The following FRMD4A variants were observed in gnomAD, a reference collection of about 807,000 sequenced individuals.
FRMD4A encodes FERM domain-containing protein 4A.
FRMD4A carries 29 observed loss-of-function variants against 129.1 expected under a neutral mutation model. The ratio of observed to expected loss-of-function variants is 0.22; its 90% CI spans 0.17 to 0.31. The LOEUF (loss-of-function observed/expected upper bound fraction) is 0.31, where lower values mean the gene tolerates loss of function less well. FRMD4A is among the 10% of genes least tolerant of loss of function. The pLI is 1.00. For missense variants in FRMD4A, 1,272 were observed against 1,375.8 expected (o/e 0.92, Z 1.19); for synonymous variants, 634 against 571.6 (o/e 1.11, Z -1.56).
chr10:13,826,725 AC>A (rs139432960), intron 3 of FRMD4A, among the ~76,000 whole-genome samples: 1 of 152,122 alleles, frequency 6.6e-6, no homozygotes. Flanking sequence ...TTAAAAAGAC[AC>A]CCTTACTGGG....
chr10:13,857,196 A>C (rs1354922017), intron 3 of FRMD4A, among the ~76,000 whole-genome samples: 1 of 152,168 alleles, frequency 6.6e-6, no homozygotes, highest in East Asian at 1.9e-4. Flanking sequence ...ATAGTGGTAA[A>C]ATTTTTTTTT....
chr10:14,146,536 A>G lies in FRMD4A; in HGVS notation c.45+183522T>C, dbSNP rs1376684854. ...CCCATCCTGGCTATTATCGATAACCAACACGTGAAGGGAAAACTGATGCCT... is the reference window on the plus strand; with the variant it reads ...CCCATCCTGGCTATTATCGATAACCGACACGTGAAGGGAAAACTGATGCCT... On this transcript the variant is annotated intron_variant, in intron 2 of 24. Coordinates refer to ENST00000357447, the MANE Select transcript of FRMD4A (RefSeq NM_018027.5). 2.0e-5 allele frequency among the ~76,000 whole-genome samples: 3 copies of G among 152,332 alleles called. No individual in the cohort carries two copies. In the East Asian group the frequency reaches 5.8e-4, roughly 29 times the overall value.
Position 13,656,965 on chromosome 10 carries a change from G to A in FRMD4A, c.2624C>T (p.Ala875Val), listed in dbSNP as rs146301035. Residue 875 changes from alanine to valine, a missense_variant, in exon 22 of 25, where the codon GCG (alanine) becomes GTG (valine). Ala to Val is a moderately conservative substitution (Grantham distance 64). Around this residue, in one of 2 missense-constraint regions of FRMD4A, gnomAD observed 972 missense variants for 892.3 expected, o/e 1.09. Transcript: ENST00000357447. ...AQFKTSNSYT[A>V]GGLFKESWRG... is the part of the protein sequence containing the mutation. ...CCAGCTCTCCTTGAACAGGCCGCCC[G>A]CCGTGTAGGAGTTGGACGTCTTGAA... 261 of 1,540,814 alleles carry A rather than the reference G, an allele frequency of 1.7e-4. No individual in the cohort carries two copies. The highest frequency in any genetic ancestry group is 2.2e-4 in the Non-Finnish European group (248 of 1,151,084).
chr10:13,795,546 G>A (rs1372567524), intron 5 of FRMD4A, among the ~76,000 whole-genome samples: 1 of 152,202 alleles, frequency 6.6e-6, no homozygotes, highest in Non-Finnish European at 1.5e-5. Context: ...TGACAGAATT[G>A]CATATCATTT....
chr10:14,028,880 T>C (rs1833102842), intron 2 of FRMD4A, among the ~76,000 whole-genome samples: 1 of 152,198 alleles, frequency 6.6e-6, no homozygotes, highest in Admixed American at 6.5e-5. Flanking sequence ...AAGGTCTCAA[T>C]GCTGACAGCA....
chr10:14,133,044 T>C (rs1044500422), intron 2 of FRMD4A, among the ~76,000 whole-genome samples: 1 of 152,160 alleles, frequency 6.6e-6, no homozygotes, highest in Non-Finnish European at 1.5e-5. Context: ...ATCAGTGAAG[T>C]AAGAGTAAGT....
At chr10:13,700,128 G>C (rs1483281587) in intron 14 of FRMD4A, among the ~76,000 whole-genome samples, 1 of 150,650 alleles carries the variant, frequency 6.6e-6, no homozygotes, top group African/African-American at 2.4e-5. Flanking sequence ...TTTTCTTTTA[G>C]TAGAGATGGG....
At chr10:13,883,082 G>A (rs2094565966) in intron 2 of FRMD4A, among the ~76,000 whole-genome samples, 1 of 152,110 alleles carries the variant, frequency 6.6e-6, no homozygotes, top group Non-Finnish European at 1.5e-5. Flanking sequence ...GGGATTACAG[G>A]CATAAGCCAC....
Position 13,664,758 on chromosome 10 carries a change from G to A in FRMD4A, c.1604-1249C>T, listed in dbSNP as rs114619880. Among the ~76,000 whole-genome samples, 955 of 151,378 alleles carry A rather than the reference G, an allele frequency of 6.3e-3. 14 individuals are homozygous for A. The highest frequency in any genetic ancestry group is 0.021 in the African/African-American group (883 of 41,228). ...CTATATTGCCCAGACTGGCACGCAT[G>A]GTTACTCACAGGTATAATCATAGTG... On this transcript the variant is annotated intron_variant, in intron 18 of 24. Transcript: ENST00000357447.
At chr10:14,127,925 TC>T (rs1838941700) in intron 2 of FRMD4A, among the ~76,000 whole-genome samples, 1 of 4,604 alleles carries the variant, frequency 2.2e-4, no homozygotes. Flanking sequence ...TTTCTTTCTT[TC>T]TTTCTTTCTT....
At chr10:14,185,576 C>T (rs560589451) in intron 2 of FRMD4A, among the ~76,000 whole-genome samples, 34 of 152,074 alleles carry the variant, frequency 2.2e-4, no homozygotes, top group African/African-American at 2.9e-4. Context: ...GGTTCAATCT[C>T]GTCTTGTAAG....
intron 2 of FRMD4A, among the ~76,000 whole-genome samples, chr10:13,916,185 T>A (rs1412864196): frequency 6.6e-6 from 1 of 152,084 alleles, no homozygotes. Context: ...AGTCTTTAGG[T>A]TTCATTCTCT....
At chr10:14,315,988 T>G (rs1361173199) in intron 2 of FRMD4A, among the ~76,000 whole-genome samples, 1 of 152,240 alleles carries the variant, frequency 6.6e-6, no homozygotes, top group African/African-American at 2.4e-5. Context: ...CCAGGTGGGT[T>G]GGGTGCCCTG....
intron 2 of FRMD4A, among the ~76,000 whole-genome samples, chr10:14,075,514 C>T (rs371025399): frequency 1.2e-4 from 19 of 152,170 alleles, no homozygotes; most frequent in East Asian, 3.9e-4. Flanking sequence ...TTGCTCCTTC[C>T]AACATATCAT....
intron 2 of FRMD4A, among the ~76,000 whole-genome samples, chr10:13,971,062 C>T (rs1317218894): frequency 6.6e-6 from 1 of 152,190 alleles, no homozygotes; most frequent in East Asian, 1.9e-4. Context: ...TGTCACCACC[C>T]CCAACACACA....
chr10:13,918,091 G>T (rs1219674649), intron 2 of FRMD4A, among the ~76,000 whole-genome samples: 1 of 152,156 alleles, frequency 6.6e-6, no homozygotes, highest in Non-Finnish European at 1.5e-5. Flanking sequence ...CTCTTCCCCA[G>T]CACTGAGATT....
chr10:14,128,693 G>A (rs538642115), intron 2 of FRMD4A, among the ~76,000 whole-genome samples: 1 of 152,300 alleles, frequency 6.6e-6, no homozygotes, highest in East Asian at 1.9e-4. Context: ...TTTGTAATGA[G>A]AAAATGCACG....
At chr10:13,902,087 G>T (rs749251377) in intron 2 of FRMD4A, among the ~76,000 whole-genome samples, 1 of 152,190 alleles carries the variant, frequency 6.6e-6, no homozygotes, top group Non-Finnish European at 1.5e-5. Context: ...CGTGATCATA[G>T]CTCACTGTAA....
chr10:14,173,407 T>C (rs1281638516), intron 2 of FRMD4A, among the ~76,000 whole-genome samples: 1 of 152,232 alleles, frequency 6.6e-6, no homozygotes, highest in African/African-American at 2.4e-5. Context: ...TGAGCATTTC[T>C]AAATGTTACA....
Sources: allele counts gnomAD v4.1 joint callset (sites outside exome capture counted in the v4.1 genomes callset), GRCh38; gene constraint gnomAD v4.1.1; regional missense constraint gnomAD v4.1.1; transcripts MANE v1.5; gene names NCBI Gene and HGNC (gene_info 2026-07-23, HGNC 2026-07-21).